The following PLCB3 variants were observed in gnomAD, a reference collection of about 807,000 sequenced individuals.
PLCB3 encodes phospholipase C beta 3.
Under a neutral mutation model 152.1 loss-of-function variants are expected in PLCB3, and 54 were observed. That is an observed-to-expected ratio of 0.36 (90% CI 0.29 to 0.45). PLCB3 has a LOEUF of 0.45. Ranked by LOEUF, PLCB3 falls within the 20% of genes least tolerant of loss-of-function variation. The pLI, the probability that PLCB3 is intolerant of heterozygous loss-of-function variation, is 1.00. For synonymous variants in PLCB3, 717 were observed against 698.7 expected, an observed-to-expected ratio of 1.03 and a Z score of -0.41; for missense variants, 1,248 against 1,687.5, an observed-to-expected ratio of 0.74 and a Z score of 4.56.
chr11:64,256,863 T>C, intron 10 of PLCB3, 99 bp downstream of exon 10: 1 of 1,338,376 alleles, frequency 7.5e-7, no homozygotes, highest in African/African-American at 1.4e-5. Context: ...CATTTGCTCA[T>C]TCATTGGCCA....
rs78656612 is a variant in PLCB3, at chr11:64,262,474, G to A, written c.2106G>A (p.Pro702=). 455 of 1,614,004 alleles carry A rather than the reference G, an allele frequency of 2.8e-4. 2 individuals carry two copies. In the African/African-American group the frequency reaches 4.4e-3, roughly 16 times the overall value. The change falls in exon 18 of 31, where the codon CCG becomes CCA. Residue 702 remains proline (P), a synonymous_variant. Transcript: ENST00000279230. ...YNGRSGYLLK[P]EFMRRPDKSF... is the part of the protein sequence containing the mutation. ...GGCGCAGCGGGTACCTGCTCAAGCC[G>A]GAGTTCATGCGGCGGCCGGACAAGT... is the stretch of plus-strand genomic sequence containing the variant.
intron 22 of PLCB3, among the ~76,000 whole-genome samples, 158 bp from the exon 23 acceptor site, chr11:64,264,793 C>T (rs1420829473): frequency 6.6e-6 from 1 of 152,132 alleles, no homozygotes; most frequent in African/African-American, 2.4e-5. Context: ...ATTTATAGCT[C>T]TTCTCATGCA....
chr11:64,262,682 G>A lies in PLCB3; in HGVS notation c.2229G>A (p.Val743=). ...GGCAGTTCCTGTCCGACAGGAAGGT[G>A]GGCATCTACGTGGAGGTGGACATGT... ...ISGQFLSDRK[V]GIYVEVDMFG... The change falls in exon 19 of 31, where the codon GTG becomes GTA. Residue 743 remains valine, a synonymous_variant. Transcript: ENST00000279230. 1.2e-6 allele frequency: 2 copies of A among 1,614,004 alleles called. No individual in the cohort carries two copies. Among genetic ancestry groups the A allele is most frequent in the Non-Finnish European group, 1.7e-6 (2 of 1,180,024 alleles).
chr11:64,257,016 T>TTTTTTTTTTTTGTTTTTTTC (rs771872374), intron 10 of PLCB3, among the ~76,000 whole-genome samples: 1 of 120,590 alleles, frequency 8.3e-6, no homozygotes, highest in Non-Finnish European at 1.8e-5. Flanking sequence ...TTTTTTTTTT[T>TTTTTTTTTTTTGTTTTTTTC]TTTTTGAGAC....
chr11:64,252,440 CCT>C (rs1487639001), intron 1 of PLCB3, among the ~76,000 whole-genome samples: 1 of 152,184 alleles, frequency 6.6e-6, no homozygotes, highest in African/African-American at 2.4e-5. Context: ...TTCCCAAATG[CCT>C]GTGTCCCCAC....
Position 64,255,668 on chromosome 11 carries a change from C to T in PLCB3, c.597+52C>T. On this transcript the variant is annotated intron_variant, in intron 7 of 30. Coordinates refer to ENST00000279230, the MANE Select transcript of PLCB3 (RefSeq NM_000932.5). The surrounding 1 kb of genome is among the most constrained non-coding windows in gnomAD (Gnocchi z 6.8). ...GTGGGGTGTCACGGTGGGCACCCACCCTTACGGGGCTGCCCGCCCCTGGCT... is the reference window on the plus strand; with the variant it reads ...GTGGGGTGTCACGGTGGGCACCCACTCTTACGGGGCTGCCCGCCCCTGGCT... The T allele has an allele frequency of 6.2e-7, 1 of 1,607,344 alleles. No homozygotes were observed. Among genetic ancestry groups the T allele is most frequent in the Non-Finnish European group, 8.5e-7 (1 of 1,175,020 alleles).
intron 10 of PLCB3, among the ~76,000 whole-genome samples, chr11:64,257,243 A>G (rs1398911449): frequency 6.6e-6 from 1 of 152,044 alleles, no homozygotes. Context: ...ACCTCAGGTG[A>G]TCCGCCTGCC....
At position 64,258,141 on chromosome 11, in the gene PLCB3, G is replaced by T. The variant is rs187154436; in HGVS notation, c.1013-332G>T. ...TGCACTCCAGCCTGGGTGACAGAGC[G>T]AGGTTCCGTCTCAAAAAAAAAAAAA... On this transcript the variant is annotated intron_variant, in intron 10 of 30. Coordinates refer to ENST00000279230, the MANE Select transcript of PLCB3 (RefSeq NM_000932.5). This position sits in a 1 kb window ranked among gnomAD's most constrained non-coding sequence, Gnocchi z 7.2. Among the ~76,000 whole-genome samples the T allele has an allele frequency of 6.2e-4, 93 of 149,374 alleles. No individual in the cohort carries two copies. The highest frequency in any genetic ancestry group is 2.2e-3 in the African/African-American group (88 of 40,834).
Position 64,261,515 on chromosome 11 carries a change from C to G in PLCB3, c.1828+19C>G, listed in dbSNP as rs982298084. 6.2e-7 allele frequency: 1 copy of G among 1,611,178 alleles called. No individual in the cohort carries two copies. The highest frequency in any genetic ancestry group is 1.3e-5 in the African/African-American group (1 of 74,856). ...GCTCGAAGTGAGTGGGGGTGGGTGG[C>G]AGGCATGGGAGCTTGCCCAGCTCAG... On this transcript the variant is annotated intron_variant, in intron 15 of 30. Coordinates refer to ENST00000279230, the MANE Select transcript of PLCB3 (RefSeq NM_000932.5).
chr11:64,251,973 G>T (rs1591096613), intron 1 of PLCB3, among the ~76,000 whole-genome samples: 1 of 151,758 alleles, frequency 6.6e-6, no homozygotes, highest in Non-Finnish European at 1.5e-5. Context: ...ACTCCTTGGC[G>T]CAGAGACTTT....
Position 64,263,813 on chromosome 11 carries a change from G to A in PLCB3, c.2560+18G>A, listed in dbSNP as rs749370114. The stretch of plus-strand genomic sequence containing the variant: ...CCACCAGGGTGAGCTGGGGGTGGGC[G>A]GGGCCTGCCTGGCCAGGGAGTGTGA... On this transcript the variant is annotated intron_variant, in intron 21 of 30. Transcript: ENST00000279230. 40 of 1,596,556 alleles carry A rather than the reference G, an allele frequency of 2.5e-5. No homozygotes were observed. The South Asian group carries it at 2.5e-4, about 10-fold the overall frequency.
Position 64,267,154 on chromosome 11 carries a change from C to A in PLCB3, c.3415-31C>A. ...GAGGCTCTAGCCCCTCCCTCAGGGC[C>A]CCTCAGCTGAGCCCTTGCCCACCCC... On this transcript the variant is annotated intron_variant, in intron 29 of 30. Transcript: ENST00000279230. The surrounding 1 kb of genome is among the most constrained non-coding windows in gnomAD (Gnocchi z 5.2). 1.3e-6 allele frequency: 2 copies of A among 1,540,950 alleles called. No homozygotes were observed. The highest frequency in any genetic ancestry group is 1.8e-6 in the Non-Finnish European group (2 of 1,139,502).
In PLCB3 at chr11:64,263,777, A is replaced by G. The variant is rs200176343; in HGVS notation, c.2542A>G (p.Ile848Val). 1.6e-5 allele frequency: 25 copies of G among 1,612,860 alleles called. No homozygotes were observed. The highest frequency in any genetic ancestry group is 1.6e-4 in the Middle Eastern group (1 of 6,062). ...LLIYTEASDYIPDDHQDYAEA... is the reference protein window; with the variant it reads ...LLIYTEASDYVPDDHQDYAEA... ...CATCTACACCGAAGCCTCGGACTAC[A>G]TTCCTGACGACCACCAGGGTGAGCT... Residue 848 changes from isoleucine to valine, a missense_variant, in exon 21 of 31, where the codon ATT (isoleucine) becomes GTT (valine). Transcript: ENST00000279230.
chr11:64,262,163 C>T, intron 17 of PLCB3, 87 bp downstream of exon 17: 2 of 1,557,124 alleles, frequency 1.3e-6, no homozygotes, highest in Non-Finnish European at 1.8e-6. Flanking sequence ...CCTGAATGGA[C>T]CTCTGACCCT....
chr11:64,266,295 TC>T lies in PLCB3; in HGVS notation c.3267-16del. On this transcript the variant is annotated intron_variant, in intron 27 of 30. Coordinates refer to ENST00000279230, the MANE Select transcript of PLCB3 (RefSeq NM_000932.5). The surrounding 1 kb of genome is among the most constrained non-coding windows in gnomAD (Gnocchi z 4.9). Reference sequence around the variant, plus strand: ...TGCTTCTGCCGCTGACCCCTCCTCTTCCCCTGCCGGCTTCTCCAGGGAGAAG... The same window carrying T: ...TGCTTCTGCCGCTGACCCCTCCTCTTCCCTGCCGGCTTCTCCAGGGAGAAG... 1 of 1,613,114 alleles carries T rather than the reference TC, an allele frequency of 6.2e-7. No individual in the cohort carries two copies.
chr11:64,258,978 G>A lies in PLCB3; in HGVS notation c.1338+9G>A, dbSNP rs1207276151. The A allele has an allele frequency of 1.2e-6, 2 of 1,613,748 alleles. No homozygotes were observed. The highest frequency in any genetic ancestry group is 2.7e-5 in the African/African-American group (2 of 74,926). ...CTCTGGACAAGTACCCGGTACGGGAGCTCGGAGCGAGGGGGGTGGCATGGG... is the reference window on the plus strand; with the variant it reads ...CTCTGGACAAGTACCCGGTACGGGAACTCGGAGCGAGGGGGGTGGCATGGG... On this transcript the variant is annotated intron_variant, in intron 12 of 30. Transcript: ENST00000279230. This position sits in a 1 kb window ranked among gnomAD's most constrained non-coding sequence, Gnocchi z 7.2.
intron 21 of PLCB3, 51 bp downstream of exon 21, chr11:64,263,846 G>T (rs1316515610): frequency 6.7e-7 from 1 of 1,484,728 alleles, no homozygotes; most frequent in South Asian, 1.1e-5. Context: ...TGAGGGACAA[G>T]GGCCACCCCC....
intron 16 of PLCB3, 102 bp downstream of exon 16, chr11:64,261,767 C>T (rs1466753610): frequency 7.1e-7 from 1 of 1,406,958 alleles, no homozygotes; most frequent in East Asian, 2.3e-5. Context: ...AGGGTGCTGG[C>T]CCTCCGGCGG....
chr11:64,261,737 C>G (rs2031863140), intron 16 of PLCB3, 72 bp downstream of exon 16: 1 of 1,458,416 alleles, frequency 6.9e-7, no homozygotes, highest in African/African-American at 1.4e-5. Context: ...GTGTTCTGTC[C>G]CCACATATGC....
Sources: gnomAD v4.1 joint callset for allele counts (sites outside exome capture counted in the v4.1 genomes callset) on GRCh38, gnomAD v4.1.1 for gene constraint, Gnocchi (gnomAD v3.1) non-coding constraint, MANE v1.5 for transcripts, NCBI Gene and HGNC (gene_info 2026-07-23, HGNC 2026-07-21) for gene names.